MAF: variants seen among roughly 807,000 people sequenced by gnomAD.
The protein encoded by MAF is transcription factor Maf.
MAF carries 10 observed loss-of-function variants against 22.0 expected under a neutral mutation model. That is an observed-to-expected ratio of 0.45 (90% confidence interval 0.28 to 0.77). MAF has a LOEUF of 0.77. Among genes scored for constraint, MAF ranks in the 30% least tolerant of loss-of-function variants. The pLI, the probability that MAF is intolerant of heterozygous loss-of-function variation, is 0.12. For missense variants in MAF, 544 were observed against 548.4 expected (o/e 0.99, Z 0.08); for synonymous variants, 337 against 255.8 (o/e 1.32, Z -3.03).
At chr16:79,594,610 T>C (rs1913399633) in intron 1 of MAF, 57 bp from the exon 2 acceptor site, 1 of 1,547,106 alleles carries the variant, frequency 6.5e-7, no homozygotes, top group Non-Finnish European at 8.7e-7. Flanking sequence ...AAACGCAGCG[T>C]AAAGGGGAAA....
the MAF span, among the ~76,000 whole-genome samples, chr16:79,226,834 A>G: frequency 6.6e-6 from 1 of 152,046 alleles, no homozygotes; most frequent in East Asian, 1.9e-4. Context: ...TGCTTGTAAA[A>G]CATGCCCAGC....
At chr16:79,492,240 C>A in the MAF span, among the ~76,000 whole-genome samples, 1 of 152,150 alleles carries the variant, frequency 6.6e-6, no homozygotes, top group Non-Finnish European at 1.5e-5. Flanking sequence ...ATTTATGAGA[C>A]CCGCCTGGGG....
chr16:79,511,106 G>A, the MAF span, among the ~76,000 whole-genome samples: 5 of 152,038 alleles, frequency 3.3e-5, no homozygotes, highest in Admixed American at 1.3e-4. Context: ...GCACAATGGC[G>A]GGGTGGTGAT....
At chr16:79,409,939 T>A in the MAF span, among the ~76,000 whole-genome samples, 2 of 152,256 alleles carry the variant, frequency 1.3e-5, no homozygotes, top group Non-Finnish European at 2.9e-5. Flanking sequence ...ATTGTTAAAG[T>A]GAACTAAATA....
chr16:79,430,200 G>T, the MAF span, among the ~76,000 whole-genome samples: 2 of 152,190 alleles, frequency 1.3e-5, no homozygotes, highest in African/African-American at 4.8e-5. Context: ...GAAAGGTAGC[G>T]CTTTGTTTAC....
At chr16:79,211,594 T>C in the MAF span, 69,955 of 1,614,050 alleles carry the variant, frequency 0.043, 1,685 homozygotes, top group Non-Finnish European at 0.047. Context: ...TTGTCTTTCT[T>C]CTTGGATTTC....
chr16:79,398,526 C>T, the MAF span, among the ~76,000 whole-genome samples: 3 of 152,192 alleles, frequency 2.0e-5, no homozygotes, highest in African/African-American at 7.2e-5. Context: ...TATTGCCTTC[C>T]AGGACTCATG....
the MAF span, among the ~76,000 whole-genome samples, chr16:79,286,118 G>C: frequency 1.3e-5 from 2 of 152,156 alleles, no homozygotes; most frequent in African/African-American, 4.8e-5. Flanking sequence ...TGGGTGATAT[G>C]GGCCAACTAG....
At chr16:79,517,551 T>C in the MAF span, among the ~76,000 whole-genome samples, 1 of 149,826 alleles carries the variant, frequency 6.7e-6, no homozygotes, top group Non-Finnish European at 1.5e-5. Flanking sequence ...AGTGAGGTTT[T>C]GAGTGGACTG....
chr16:79,506,369 G>C, the MAF span, among the ~76,000 whole-genome samples: 1 of 152,118 alleles, frequency 6.6e-6, no homozygotes, highest in African/African-American at 2.4e-5. Context: ...AAGGACTCAG[G>C]GTTTGAACAG....
chr16:79,359,392 C>A, the MAF span, among the ~76,000 whole-genome samples: 1 of 152,216 alleles, frequency 6.6e-6, no homozygotes, highest in South Asian at 2.1e-4. Flanking sequence ...TGATGGGATG[C>A]CAGTATTTTC....
the MAF span, among the ~76,000 whole-genome samples, chr16:79,322,562 C>T: frequency 6.6e-6 from 1 of 152,094 alleles, no homozygotes; most frequent in Non-Finnish European, 1.5e-5. Flanking sequence ...GTGCTGGGTG[C>T]TGGGGATAAC....
the MAF span, among the ~76,000 whole-genome samples, chr16:79,500,429 C>T: frequency 6.6e-6 from 1 of 152,278 alleles, no homozygotes; most frequent in East Asian, 1.9e-4. Context: ...ACAAAAGTCT[C>T]CACAAGACCT....
chr16:79,280,526 T>G, the MAF span, among the ~76,000 whole-genome samples: 1 of 152,360 alleles, frequency 6.6e-6, no homozygotes, highest in South Asian at 2.1e-4. Context: ...CCACCTAAAC[T>G]CATTCTTCCA....
chr16:79,252,727 T>C, the MAF span, among the ~76,000 whole-genome samples: 4 of 152,098 alleles, frequency 2.6e-5, no homozygotes, highest in African/African-American at 9.7e-5. Flanking sequence ...TGACCTCAGG[T>C]GATCCGCCCG....
intron 1 of MAF, among the ~76,000 whole-genome samples, chr16:79,587,698 A>G (rs1251230110): frequency 6.6e-6 from 1 of 152,010 alleles, no homozygotes; most frequent in Admixed American, 6.6e-5. Flanking sequence ...AGTCTCCGTT[A>G]TTTTTGGAGG....
chr16:79,472,690 G>A, the MAF span, among the ~76,000 whole-genome samples: 1 of 152,062 alleles, frequency 6.6e-6, no homozygotes, highest in Non-Finnish European at 1.5e-5. Flanking sequence ...TCTAAAATTA[G>A]AGTAGGGCGA....
At chr16:79,407,592 G>C in the MAF span, among the ~76,000 whole-genome samples, 1 of 152,080 alleles carries the variant, frequency 6.6e-6, no homozygotes, top group Non-Finnish European at 1.5e-5. Flanking sequence ...GCCATGGCAC[G>C]ACCCATTAAC....
the MAF span, among the ~76,000 whole-genome samples, chr16:79,330,246 G>T: frequency 6.6e-6 from 1 of 152,142 alleles, no homozygotes; most frequent in Admixed American, 6.5e-5. Flanking sequence ...ATAATTTGAC[G>T]CTAGTGGGCA....
Sources: allele counts gnomAD v4.1 joint callset (sites outside exome capture counted in the v4.1 genomes callset), GRCh38; gene constraint gnomAD v4.1.1; transcripts MANE v1.5; gene names NCBI Gene and HGNC (gene_info 2026-07-23, HGNC 2026-07-21).